The following GRIK2 variants were observed in gnomAD, a reference collection of about 807,000 sequenced individuals.
GRIK2 encodes glutamate receptor ionotropic, kainate 2.
GRIK2 carries 32 observed loss-of-function variants against 100.3 expected under a neutral mutation model. That is an observed-to-expected ratio of 0.32 (90% confidence interval 0.24 to 0.43). The LOEUF is 0.43. Ranked by LOEUF, GRIK2 falls within the 20% of genes least tolerant of loss-of-function variation. The probability of loss-of-function intolerance (pLI) is 1.00; values close to 1 mark genes in which losing one functional copy is unlikely to be tolerated. For synonymous variants in GRIK2, 417 were observed against 389.4 expected, an observed-to-expected ratio of 1.07 and a Z score of -0.83; for missense variants, 843 against 1,114.9, an observed-to-expected ratio of 0.76 and a Z score of 3.47.
chr6:101,795,512 T>C (rs998352937), intron 7 of GRIK2, among the ~76,000 whole-genome samples: 12 of 152,304 alleles, frequency 7.9e-5, no homozygotes, highest in African/African-American at 2.6e-4. Context: ...TTGTTGGGCC[T>C]CCAGGAAGCT....
intron 2 of GRIK2, among the ~76,000 whole-genome samples, chr6:101,470,106 T>C (rs1416340332): frequency 1.3e-5 from 2 of 152,200 alleles, no homozygotes; most frequent in African/African-American, 4.8e-5. Flanking sequence ...ACTGGCTGGA[T>C]GTGAAACTTC....
intron 2 of GRIK2, among the ~76,000 whole-genome samples, chr6:101,570,965 G>C (rs1286731010): frequency 2.0e-5 from 3 of 152,026 alleles, no homozygotes; most frequent in Admixed American, 1.3e-4. Context: ...GTTTAATCTT[G>C]TTTTCTTCTT....
chr6:101,933,138 C>G (rs1790393703), intron 14 of GRIK2, among the ~76,000 whole-genome samples: 1 of 151,936 alleles, frequency 6.6e-6, no homozygotes, highest in African/African-American at 2.4e-5. Flanking sequence ...TCTAAGGCAT[C>G]ACGCTTAATT....
chr6:101,842,878 A>C (rs957215273), intron 10 of GRIK2, among the ~76,000 whole-genome samples: 22 of 152,156 alleles, frequency 1.4e-4, no homozygotes, highest in African/African-American at 5.3e-4. Context: ...TTTCTCTATC[A>C]ATGTGTTTCC....
Position 102,051,249 on chromosome 6 carries a change from C to CT in GRIK2, c.2312-4080dup, listed in dbSNP as rs1195360471. Among the ~76,000 whole-genome samples the CT allele has an allele frequency of 4.6e-5, 6 of 130,354 alleles. No individual in the cohort carries two copies. In the East Asian group the frequency reaches 6.6e-4, roughly 14 times the overall value. The allele number at this position is 130,354 out of a possible 152,430, so 85.5% of individuals were successfully genotyped here. On this transcript the variant is annotated intron_variant, in intron 15 of 16. Coordinates refer to ENST00000369134, the MANE Select transcript of GRIK2 (RefSeq NM_021956.5). ...GTACTATGACTGCCTGCTTCCCTCCCTCCCTTCCTTCCTTCCTTCCTTCCT... is the reference window on the plus strand; with the variant it reads ...GTACTATGACTGCCTGCTTCCCTCCCTTCCCTTCCTTCCTTCCTTCCTTCCT...
At chr6:102,020,413 G>A (rs544179418) in intron 14 of GRIK2, among the ~76,000 whole-genome samples, 42 of 151,984 alleles carry the variant, frequency 2.8e-4, no homozygotes, top group African/African-American at 9.4e-4. Context: ...ATGGAGCAGA[G>A]TGAGGCTCAG....
intron 7 of GRIK2, among the ~76,000 whole-genome samples, chr6:101,777,270 G>A (rs1778804746): frequency 6.6e-6 from 1 of 152,016 alleles, no homozygotes; most frequent in African/African-American, 2.4e-5. Context: ...GCTCTGTGCT[G>A]GGCAGAGTGC....
At chr6:101,796,591 A>G (rs1181614759) in intron 7 of GRIK2, among the ~76,000 whole-genome samples, 1 of 152,212 alleles carries the variant, frequency 6.6e-6, no homozygotes, top group Non-Finnish European at 1.5e-5. Flanking sequence ...TGGAGAAAAT[A>G]TCATAGAAAG....
At chr6:101,907,096 A>G (rs1274219228) in intron 12 of GRIK2, among the ~76,000 whole-genome samples, 2 of 151,752 alleles carry the variant, frequency 1.3e-5, no homozygotes, top group Non-Finnish European at 2.9e-5. Flanking sequence ...TTGAAAGCAG[A>G]GGTATAAAGA....
intron 7 of GRIK2, among the ~76,000 whole-genome samples, chr6:101,790,229 C>A (rs555876538): frequency 0.013 from 2,004 of 148,966 alleles, 66 homozygotes; most frequent in African/African-American, 0.049. Context: ...CCTGGCCAGA[C>A]CTTCCAACAC....
At chr6:101,625,839 A>G (rs1046637548) in intron 3 of GRIK2, among the ~76,000 whole-genome samples, 1 of 152,184 alleles carries the variant, frequency 6.6e-6, no homozygotes, top group Non-Finnish European at 1.5e-5. Flanking sequence ...TGACTGATCC[A>G]TATGAAATCA....
intron 2 of GRIK2, among the ~76,000 whole-genome samples, chr6:101,425,952 G>A (rs13192839): frequency 0.028 from 4,318 of 152,238 alleles, 83 homozygotes; most frequent in Middle Eastern, 0.061. Flanking sequence ...GTTTTTCCTC[G>A]TGAATTTCCT....
At chr6:101,443,272 T>A (rs1770182693) in intron 2 of GRIK2, among the ~76,000 whole-genome samples, 1 of 152,054 alleles carries the variant, frequency 6.6e-6, no homozygotes, top group Admixed American at 6.6e-5. Flanking sequence ...TTTTCAAGAA[T>A]CAAACAGCTT....
At chr6:101,477,439 T>C (rs985501303) in intron 2 of GRIK2, among the ~76,000 whole-genome samples, 6 of 152,194 alleles carry the variant, frequency 3.9e-5, no homozygotes, top group African/African-American at 1.4e-4. Context: ...AAATTATGTT[T>C]CTTATCCATT....
At chr6:101,736,193 G>A (rs563458822) in intron 7 of GRIK2, among the ~76,000 whole-genome samples, 3 of 152,308 alleles carry the variant, frequency 2.0e-5, no homozygotes, top group South Asian at 4.1e-4. Context: ...GCTTTCATGG[G>A]CTGGTGTTGA....
chr6:101,393,945 G>A (rs1330295818), intron 1 of GRIK2, among the ~76,000 whole-genome samples, 108 bp downstream of exon 1: 1 of 152,246 alleles, frequency 6.6e-6, no homozygotes, highest in African/African-American at 2.4e-5. Flanking sequence ...TCCACCTGGA[G>A]AGAAGGAAGA....
intron 2 of GRIK2, among the ~76,000 whole-genome samples, chr6:101,537,007 G>A (rs1006423774): frequency 2.1e-4 from 28 of 131,864 alleles, no homozygotes; most frequent in South Asian, 5.5e-4. Context: ...TTGTAGAAAT[G>A]GTCAAAATAC....
chr6:101,758,725 G>A (rs146695320), intron 7 of GRIK2, among the ~76,000 whole-genome samples: 9 of 152,298 alleles, frequency 5.9e-5, no homozygotes, highest in Non-Finnish European at 1.2e-4. Flanking sequence ...TGAGAATTAA[G>A]TGAAATGATT....
chr6:101,441,664 G>C (rs974734106), intron 2 of GRIK2, among the ~76,000 whole-genome samples: 1 of 151,960 alleles, frequency 6.6e-6, no homozygotes, highest in Non-Finnish European at 1.5e-5. Flanking sequence ...AGGTTCCAGG[G>C]GTATGTGTGC....
Sources: gnomAD v4.1 joint callset for allele counts (sites outside exome capture counted in the v4.1 genomes callset) on GRCh38, gnomAD v4.1.1 for gene constraint, MANE v1.5 for transcripts, NCBI Gene and HGNC (gene_info 2026-07-23, HGNC 2026-07-21) for gene names.